The following PTPRD variants were observed in gnomAD, a reference collection of about 807,000 sequenced individuals.
PTPRD encodes protein tyrosine phosphatase receptor type D, also known as receptor-type tyrosine-protein phosphatase delta.
PTPRD carries 34 observed loss-of-function variants against 214.5 expected under a neutral mutation model. The observed-to-expected ratio is 0.16, with a 90% CI of 0.12 to 0.21. The LOEUF (loss-of-function observed/expected upper bound fraction) is 0.21. PTPRD is among the 10% of genes least tolerant of loss of function. The pLI is 1.00. For missense variants in PTPRD, 2,545 were observed against 2,398.7 expected (o/e 1.06, Z -1.27); for synonymous variants, 1,128 against 845.7 (o/e 1.33, Z -5.79).
At chr9:9,565,145 A>C (rs141662262) in intron 8 of PTPRD, among the ~76,000 whole-genome samples, 1 of 151,772 alleles carries the variant, frequency 6.6e-6, no homozygotes, top group Non-Finnish European at 1.5e-5. Flanking sequence ...AAGGTTTTGT[A>C]AAGTGGAAAG....
At chr9:8,597,753 T>C in intron 14 of PTPRD, among the ~76,000 whole-genome samples, 1 of 152,176 alleles carries the variant, frequency 6.6e-6, no homozygotes, top group Non-Finnish European at 1.5e-5. Flanking sequence ...TATTCTCAAA[T>C]ACTTATGTGG....
intron 4 of PTPRD, among the ~76,000 whole-genome samples, chr9:9,939,805 G>C (rs1028262668): frequency 1.3e-5 from 2 of 152,062 alleles, no homozygotes; most frequent in African/African-American, 4.8e-5. Context: ...CGATGTGAAG[G>C]GCTCAAGAAA....
chr9:9,196,251 A>G (rs1479146184), intron 9 of PTPRD, among the ~76,000 whole-genome samples: 2 of 152,224 alleles, frequency 1.3e-5, no homozygotes, highest in East Asian at 3.8e-4. Flanking sequence ...TTCCTGGAAC[A>G]CAGAGTGAAA....
At chr9:10,604,407 TGTTTTCC>T (rs2078781353) in intron 2 of PTPRD, among the ~76,000 whole-genome samples, 1 of 151,726 alleles carries the variant, frequency 6.6e-6, no homozygotes, top group Non-Finnish European at 1.5e-5. Context: ...AATCCTGGCA[TGTTTTCC>T]AAGTGGGAGA....
chr9:8,617,799 T>G (rs2095662014), intron 14 of PTPRD, among the ~76,000 whole-genome samples: 1 of 152,082 alleles, frequency 6.6e-6, no homozygotes, highest in Non-Finnish European at 1.5e-5. Flanking sequence ...GAATTCAACT[T>G]CTCTTTATCT....
chr9:9,559,435 C>A (rs1202002665), intron 8 of PTPRD, among the ~76,000 whole-genome samples: 1 of 152,216 alleles, frequency 6.6e-6, no homozygotes, highest in Non-Finnish European at 1.5e-5. Flanking sequence ...ATTGTTTAGG[C>A]CCTAGCCAAA....
chr9:9,878,103 T>A (rs889270056), intron 5 of PTPRD, among the ~76,000 whole-genome samples: 2 of 152,064 alleles, frequency 1.3e-5, no homozygotes, highest in South Asian at 2.1e-4. Flanking sequence ...GTGGTAGAGA[T>A]TAAAGAATTC....
At chr9:8,906,511 T>C (rs555225813) in intron 11 of PTPRD, among the ~76,000 whole-genome samples, 2 of 152,334 alleles carry the variant, frequency 1.3e-5, no homozygotes, top group Admixed American at 1.3e-4. Context: ...GATAATGCTA[T>C]GATACACTGA....
chr9:9,944,995 A>G (rs544755093), intron 4 of PTPRD, among the ~76,000 whole-genome samples: 1 of 129,402 alleles, frequency 7.7e-6, no homozygotes, highest in East Asian at 1.9e-4. Context: ...CAAGTAGTGG[A>G]GAGGTGTTGA....
intron 4 of PTPRD, among the ~76,000 whole-genome samples, chr9:9,993,172 C>A (rs1245671781): frequency 6.6e-6 from 1 of 152,114 alleles, no homozygotes; most frequent in Non-Finnish European, 1.5e-5. Context: ...AACTGGAATT[C>A]TCATATTCTC....
At chr9:9,134,714 T>C (rs2099848209) in intron 10 of PTPRD, among the ~76,000 whole-genome samples, 1 of 152,182 alleles carries the variant, frequency 6.6e-6, no homozygotes, top group Non-Finnish European at 1.5e-5. Context: ...CTTTTCATCA[T>C]CTGACTTGCT....
At chr9:9,324,466 C>T (rs1358422286) in intron 9 of PTPRD, among the ~76,000 whole-genome samples, 3 of 152,106 alleles carry the variant, frequency 2.0e-5, no homozygotes, top group African/African-American at 4.8e-5. Context: ...TTTCATGTGT[C>T]TGTTGGCTGC....
At chr9:10,228,189 G>C (rs1214942807) in intron 3 of PTPRD, among the ~76,000 whole-genome samples, 1 of 151,978 alleles carries the variant, frequency 6.6e-6, no homozygotes, top group Non-Finnish European at 1.5e-5. Context: ...CGTTTAGAAG[G>C]AAGGGAAGAG....
chr9:10,501,810 G>T (rs1170931724), intron 2 of PTPRD, among the ~76,000 whole-genome samples: 7 of 151,890 alleles, frequency 4.6e-5, no homozygotes, highest in African/African-American at 1.7e-4. Context: ...TTGCTTTGTT[G>T]ACAAATTCAA....
At chr9:9,390,136 C>G (rs1184355847) in intron 9 of PTPRD, among the ~76,000 whole-genome samples, 3 of 152,102 alleles carry the variant, frequency 2.0e-5, no homozygotes, top group Non-Finnish European at 2.9e-5. Flanking sequence ...GTCCTCCAGC[C>G]TGACATTGGT....
At chr9:9,242,384 G>C (rs1253254691) in intron 9 of PTPRD, among the ~76,000 whole-genome samples, 1 of 152,104 alleles carries the variant, frequency 6.6e-6, no homozygotes, top group Non-Finnish European at 1.5e-5. Context: ...GAATCTGAAT[G>C]TTGACCTGCC....
At chr9:9,897,364 C>A (rs1437922459) in intron 5 of PTPRD, among the ~76,000 whole-genome samples, 1 of 151,686 alleles carries the variant, frequency 6.6e-6, no homozygotes, top group East Asian at 1.9e-4. Context: ...CACACTTCCA[C>A]CAAGAGTTTT....
chr9:8,968,579 C>G (rs1310259340), intron 11 of PTPRD, among the ~76,000 whole-genome samples: 1 of 151,936 alleles, frequency 6.6e-6, no homozygotes, highest in Non-Finnish European at 1.5e-5. Context: ...TCATTCAGTT[C>G]TTACCATAAT....
intron 11 of PTPRD, among the ~76,000 whole-genome samples, chr9:8,748,191 G>A (rs902141327): frequency 1.3e-5 from 2 of 152,096 alleles, no homozygotes; most frequent in South Asian, 2.1e-4. Context: ...TGTTGAGAGC[G>A]GGGACTGAGA....
Sources: allele counts gnomAD v4.1 joint callset (sites outside exome capture counted in the v4.1 genomes callset), GRCh38; gene constraint gnomAD v4.1.1; transcripts MANE v1.5; gene names NCBI Gene and HGNC (gene_info 2026-07-23, HGNC 2026-07-21).